NPSR1: variants seen among roughly 807,000 people sequenced by gnomAD.
The protein encoded by NPSR1 is neuropeptide S receptor 1.
In NPSR1, 48 loss-of-function variants were observed where a neutral mutation model predicts 46.9. The ratio of observed to expected loss-of-function variants is 1.02; its 90% CI spans 0.81 to 1.30. The LOEUF (loss-of-function observed/expected upper bound fraction) is 1.30. Ranked by LOEUF, NPSR1 falls within the 50% of genes most tolerant of loss-of-function variation. The pLI, the probability that NPSR1 is intolerant of heterozygous loss-of-function variation, is 0.00. For synonymous variants in NPSR1, 176 were observed against 168.1 expected, an observed-to-expected ratio of 1.05 and a Z score of -0.36; for missense variants, 450 against 449.5, an observed-to-expected ratio of 1.00 and a Z score of -0.01.
At chr7:34,748,488 G>T (rs946311518) in intron 2 of NPSR1, among the ~76,000 whole-genome samples, 3 of 152,090 alleles carry the variant, frequency 2.0e-5, no homozygotes, top group African/African-American at 7.2e-5. Flanking sequence ...TGGCAGCTGG[G>T]TTTTATTTAC....
At chr7:34,704,919 G>T (rs1794023386) in intron 2 of NPSR1, among the ~76,000 whole-genome samples, 1 of 152,204 alleles carries the variant, frequency 6.6e-6, no homozygotes, top group Non-Finnish European at 1.5e-5. Flanking sequence ...GTATTGTTTG[G>T]CTTCCTGAGC....
intron 1 of NPSR1, among the ~76,000 whole-genome samples, chr7:34,671,031 C>T (rs1006879960): frequency 2.0e-5 from 3 of 152,018 alleles, no homozygotes; most frequent in Non-Finnish European, 4.4e-5. Flanking sequence ...CATTCAAAGA[C>T]AGAAACAAAG....
intron 3 of NPSR1, among the ~76,000 whole-genome samples, chr7:34,790,716 A>ATGTT (rs1562729185): frequency 9.3e-5 from 12 of 128,368 alleles, no homozygotes; most frequent in African/African-American, 2.5e-4. Flanking sequence ...TGTTATATAT[A>ATGTT]ATATATGTTA....
chr7:34,763,673 G>A (rs1461267926), intron 2 of NPSR1, among the ~76,000 whole-genome samples: 1 of 152,140 alleles, frequency 6.6e-6, no homozygotes, highest in African/African-American at 2.4e-5. Flanking sequence ...TATTCTTCAG[G>A]TAGAGGTGTA....
At chr7:34,682,823 G>A (rs1253395167) in intron 1 of NPSR1, among the ~76,000 whole-genome samples, 1 of 152,158 alleles carries the variant, frequency 6.6e-6, no homozygotes, top group African/African-American at 2.4e-5. Flanking sequence ...AGTTATGCAG[G>A]ATATGACCCC....
chr7:34,687,062 T>G (rs1171325293), intron 2 of NPSR1, among the ~76,000 whole-genome samples: 2 of 151,454 alleles, frequency 1.3e-5, no homozygotes, highest in African/African-American at 4.8e-5. Flanking sequence ...GCCAAAAAAT[T>G]TTAATACTTT....
At chr7:34,694,524 A>G (rs1793418207) in intron 2 of NPSR1, among the ~76,000 whole-genome samples, 1 of 152,246 alleles carries the variant, frequency 6.6e-6, no homozygotes, top group Admixed American at 6.5e-5. Context: ...TAGATAACAC[A>G]CATGACTGGA....
At chr7:34,755,857 C>CT (rs1376061806) in intron 2 of NPSR1, among the ~76,000 whole-genome samples, 1 of 152,106 alleles carries the variant, frequency 6.6e-6, no homozygotes, top group Admixed American at 6.6e-5. Context: ...GGAAAAAAAT[C>CT]TTTTCATATA....
intron 2 of NPSR1, among the ~76,000 whole-genome samples, chr7:34,722,872 A>C (rs1204823574): frequency 6.6e-6 from 1 of 152,164 alleles, no homozygotes; most frequent in Non-Finnish European, 1.5e-5. Context: ...CTTAGAAGAA[A>C]TCATGCCTCC....
At chr7:34,781,409 G>A (rs1330608515) in intron 3 of NPSR1, among the ~76,000 whole-genome samples, 3 of 152,172 alleles carry the variant, frequency 2.0e-5, no homozygotes, top group East Asian at 1.9e-4. Context: ...CAGCAACATC[G>A]TGAAGGAAAA....
At chr7:34,790,823 GGTTATAT>G (rs1787742208) in intron 3 of NPSR1, among the ~76,000 whole-genome samples, 1 of 127,644 alleles carries the variant, frequency 7.8e-6, no homozygotes, top group East Asian at 2.2e-4. Context: ...ATATGTTATA[GGTTATAT>G]GTTATGTTAT....
rs1180000608 is a variant in NPSR1 at position 34,792,548 on chromosome 7, CAT to C, written c.384+13990_384+13991del. 2.3e-3 allele frequency among the ~76,000 whole-genome samples: 294 copies of C among 126,402 alleles called. 1 individual carries two copies. Among genetic ancestry groups the C allele is most frequent in the African/African-American group, 7.8e-3 (249 of 31,750 alleles). The allele number at this position is 126,402 out of a possible 152,430, so 82.9% of individuals were successfully genotyped here. ...ATATATGTACATATATACACACACACATATATATGTACATATATATATATGTG... is the reference window on the plus strand; with the variant it reads ...ATATATGTACATATATACACACACACATATATGTACATATATATATATGTG... On this transcript the variant is annotated intron_variant, in intron 3 of 8. Coordinates refer to ENST00000360581, the MANE Select transcript of NPSR1 (RefSeq NM_207172.2).
At chr7:34,853,331 A>G (rs1044408298), downstream of NPSR1, among the ~76,000 whole-genome samples, 3 of 152,148 alleles carry the variant, frequency 2.0e-5, no homozygotes, top group African/African-American at 4.8e-5. Flanking sequence ...GGCAACTCCA[A>G]TTTTCTCGTC....
intron 2 of NPSR1, among the ~76,000 whole-genome samples, chr7:34,763,104 C>CT (rs1466976674): frequency 6.6e-6 from 1 of 152,156 alleles, no homozygotes; most frequent in African/African-American, 2.4e-5. Flanking sequence ...CACTGAGTAT[C>CT]TTGCCAGGCA....
intron 2 of NPSR1, among the ~76,000 whole-genome samples, chr7:34,705,434 C>CAAA (rs67782714): frequency 2.7e-5 from 3 of 111,612 alleles, no homozygotes; most frequent in African/African-American, 9.2e-5. Context: ...GACTCCATAT[C>CAAA]AAAAAAAAAA....
intron 1 of NPSR1, among the ~76,000 whole-genome samples, chr7:34,675,294 C>A (rs1178730564): frequency 1.3e-5 from 2 of 152,184 alleles, no homozygotes; most frequent in Non-Finnish European, 2.9e-5. Flanking sequence ...GTGATTCACT[C>A]AAATTATTTC....
At chr7:34,737,641 T>C (rs954055025) in intron 2 of NPSR1, among the ~76,000 whole-genome samples, 3 of 152,228 alleles carry the variant, frequency 2.0e-5, no homozygotes, top group African/African-American at 7.2e-5. Flanking sequence ...GAAAATACTT[T>C]TTTACTTGGT....
At chr7:34,721,068 A>G (rs574954927) in intron 2 of NPSR1, among the ~76,000 whole-genome samples, 1 of 152,334 alleles carries the variant, frequency 6.6e-6, no homozygotes, top group African/African-American at 2.4e-5. Flanking sequence ...GCAAAGTTGT[A>G]GGAAGACATA....
chr7:34,865,150 T>A (rs1334836914), intron 8 of NPSR1, among the ~76,000 whole-genome samples: 1 of 151,852 alleles, frequency 6.6e-6, no homozygotes, highest in Non-Finnish European at 1.5e-5. Context: ...CATTACTGCA[T>A]GGAATAGAGC....
Sources: allele counts gnomAD v4.1 joint callset (sites outside exome capture counted in the v4.1 genomes callset), GRCh38; gene constraint gnomAD v4.1.1; transcripts MANE v1.5; gene names NCBI Gene and HGNC (gene_info 2026-07-23, HGNC 2026-07-21).